The following ABTB2 variants were observed in gnomAD, a reference collection of about 807,000 sequenced individuals.
ABTB2 encodes ankyrin repeat and BTB domain containing 2, also known as ankyrin repeat and BTB/POZ domain-containing protein 2.
Under a neutral mutation model 104.1 loss-of-function variants are expected in ABTB2, and 56 were observed. That is an observed-to-expected ratio of 0.54 (90% CI 0.43 to 0.67). The LOEUF (loss-of-function observed/expected upper bound fraction) is 0.67, where lower values mean the gene tolerates loss of function less well. Among genes scored for constraint, ABTB2 ranks in the 30% least tolerant of loss-of-function variants. ABTB2 has a pLI of 0.00. For synonymous variants in ABTB2, 606 were observed against 608.2 expected (o/e 1.00, Z 0.05); for missense variants, 1,279 against 1,407.7 (o/e 0.91, Z 1.46).
rs561962846 is a variant in ABTB2 at position 34,220,499 on chromosome 11, A to C, written c.884-15809T>G. On this transcript the variant is annotated intron_variant, in intron 1 of 16. Coordinates refer to ENST00000435224, the MANE Select transcript of ABTB2 (RefSeq NM_145804.3). The stretch of plus-strand genomic sequence containing the variant: ...GGGCTTTTGCTCTTCTTATTGCCTC[A>C]ACTGTGACATACTGTTTGAAGAAGG... Among the ~76,000 whole-genome samples the C allele has an allele frequency of 2.6e-5, 4 of 152,310 alleles. No individual in the cohort carries two copies. In the South Asian group the frequency reaches 8.3e-4, roughly 32 times the overall value.
At chr11:34,257,765 T>C (rs1222344587) in intron 1 of ABTB2, among the ~76,000 whole-genome samples, 2 of 152,122 alleles carry the variant, frequency 1.3e-5, no homozygotes, top group Non-Finnish European at 2.9e-5. Context: ...TTTATTTTTA[T>C]TTTCTGTAAA....
In ABTB2 at chr11:34,165,974, G is replaced by A. The variant is rs148905354; in HGVS notation, c.1756-618C>T. Among the ~76,000 whole-genome samples the A allele has an allele frequency of 5.9e-5, 9 of 152,348 alleles. 1 individual carries two copies. Among genetic ancestry groups the A allele is most frequent in the Non-Finnish European group, 7.3e-5 (5 of 68,028 alleles). On this transcript the variant is annotated intron_variant, in intron 7 of 16. Transcript: ENST00000435224. The stretch of plus-strand genomic sequence containing the variant: ...GGCCTCTCCCCATGCTAGCAAGGGC[G>A]GGCTTTGACAGGGGACAGACGGGGC...
chr11:34,348,553 C>A lies in ABTB2; in HGVS notation c.883+8148G>T, dbSNP rs184005561. On this transcript the variant is annotated intron_variant, in intron 1 of 16. Transcript: ENST00000435224. The stretch of plus-strand genomic sequence containing the variant: ...GCATCCCCTCCCATCTCCGCAGTCG[C>A]AGCTCTACCTGCCCAAATCACTGGC... Among the ~76,000 whole-genome samples the A allele has an allele frequency of 4.1e-3, 628 of 152,236 alleles. 3 individuals are homozygous for A. The highest frequency in any genetic ancestry group is 7.0e-3 in the Non-Finnish European group (475 of 68,002).
At chr11:34,265,140 T>C (rs1286109699) in intron 1 of ABTB2, among the ~76,000 whole-genome samples, 1 of 152,048 alleles carries the variant, frequency 6.6e-6, no homozygotes, top group Non-Finnish European at 1.5e-5. Context: ...CAAGGAAAAA[T>C]AGAACCGAAG....
At chr11:34,182,378 C>T (rs898257424) in intron 3 of ABTB2, among the ~76,000 whole-genome samples, 3 of 151,964 alleles carry the variant, frequency 2.0e-5, no homozygotes, top group Non-Finnish European at 4.4e-5. Context: ...GTTCCCTCTT[C>T]GGACCCCCAG....
intron 3 of ABTB2, among the ~76,000 whole-genome samples, chr11:34,191,241 C>G (rs765233195): frequency 6.6e-6 from 1 of 152,156 alleles, no homozygotes; most frequent in Non-Finnish European, 1.5e-5. Context: ...TGCATTCCAG[C>G]CTGGGTGACA....
chr11:34,240,901 C>A (rs867848918), intron 1 of ABTB2, among the ~76,000 whole-genome samples: 2 of 152,124 alleles, frequency 1.3e-5, no homozygotes, highest in East Asian at 3.9e-4. Flanking sequence ...GGCCTTCCCC[C>A]CTTTTTAGGT....
rs879227003 is a variant in ABTB2 at position 34,171,213 on chromosome 11, A to AT, written c.1398-143dup. ...CCAGGGAGTTATGATCAGATCAGCA[A>AT]TTACTGTCCCCATCATGTTCTGTCA... On this transcript the variant is annotated intron_variant, in intron 4 of 16. Coordinates refer to ENST00000435224, the MANE Select transcript of ABTB2 (RefSeq NM_145804.3). 118 of 820,438 alleles carry AT rather than the reference A, an allele frequency of 1.4e-4. 2 individuals carry two copies. The South Asian group carries it at 2.1e-3, about 15-fold the overall frequency. The allele number at this position is 820,438 out of a possible 1,614,324, so 50.8% of individuals were successfully genotyped here.
At position 34,160,373 on chromosome 11, in the gene ABTB2, G is replaced by A. The variant is rs1448621959; in HGVS notation, c.2398-20C>T. 1 of 1,587,360 alleles carries A rather than the reference G, an allele frequency of 6.3e-7. No homozygotes were observed. On this transcript the variant is annotated intron_variant, in intron 11 of 16. Coordinates refer to ENST00000435224, the MANE Select transcript of ABTB2 (RefSeq NM_145804.3). ...GTCGTTCTGTGGGGAGAGGAGAGAGGGCCTGTGAGCTGCCCGCTGTGGCTG... is the reference window on the plus strand; with the variant it reads ...GTCGTTCTGTGGGGAGAGGAGAGAGAGCCTGTGAGCTGCCCGCTGTGGCTG...
intron 1 of ABTB2, among the ~76,000 whole-genome samples, chr11:34,250,114 T>A (rs1018544866): frequency 6.6e-6 from 1 of 152,154 alleles, no homozygotes; most frequent in African/African-American, 2.4e-5. Context: ...GCCTTGGAAC[T>A]GAAAGAACAG....
intron 1 of ABTB2, among the ~76,000 whole-genome samples, chr11:34,264,410 C>T (rs1273464598): frequency 6.6e-6 from 1 of 152,214 alleles, no homozygotes; most frequent in Non-Finnish European, 1.5e-5. Flanking sequence ...TGCCATAACA[C>T]AGAGGAAGCA....
chr11:34,284,482 C>A (rs1309499512), intron 1 of ABTB2, among the ~76,000 whole-genome samples: 4 of 152,204 alleles, frequency 2.6e-5, no homozygotes, highest in African/African-American at 4.8e-5. Flanking sequence ...AGCACCAAAG[C>A]TTCTATTCAG....
intron 1 of ABTB2, among the ~76,000 whole-genome samples, chr11:34,237,276 C>CTTTTT (rs561473313): frequency 8.6e-5 from 10 of 116,226 alleles, no homozygotes; most frequent in African/African-American, 2.7e-4. Flanking sequence ...CCTGGATATT[C>CTTTTT]TTTTTTTTTT....
chr11:34,240,941 T>G (rs1049771553), intron 1 of ABTB2, among the ~76,000 whole-genome samples: 1 of 152,172 alleles, frequency 6.6e-6, no homozygotes, highest in African/African-American at 2.4e-5. Flanking sequence ...TTTTTTTCTC[T>G]TTTGCCAAAT....
intron 1 of ABTB2, among the ~76,000 whole-genome samples, chr11:34,322,788 C>T (rs1322838262): frequency 6.6e-6 from 1 of 152,096 alleles, no homozygotes; most frequent in Non-Finnish European, 1.5e-5. Context: ...CCTCCAACTT[C>T]AGCCCCCCAC....
Position 34,154,599 on chromosome 11 carries a change from CA to C in ABTB2, c.2766+101del. ...TCTTTCTGGGAACTGCTCTTCCTGTCAGATGGAGAGGAAGAGCCACCTTCCC... is the reference window on the plus strand; with the variant it reads ...TCTTTCTGGGAACTGCTCTTCCTGTCGATGGAGAGGAAGAGCCACCTTCCC... On this transcript the variant is annotated intron_variant, in intron 15 of 16. Transcript: ENST00000435224. This position sits in a 1 kb window ranked among gnomAD's most constrained non-coding sequence, Gnocchi z 4.9. The C allele has an allele frequency of 8.2e-7, 1 of 1,216,574 alleles. No individual in the cohort carries two copies. Among genetic ancestry groups the C allele is most frequent in the Non-Finnish European group, 1.2e-6 (1 of 837,412 alleles). 75.4% of individuals were successfully genotyped at this position (1,216,574 alleles called of 1,614,324 possible).
intron 1 of ABTB2, among the ~76,000 whole-genome samples, chr11:34,306,095 T>A (rs769400932): frequency 6.6e-6 from 1 of 152,200 alleles, no homozygotes; most frequent in Non-Finnish European, 1.5e-5. Context: ...AACAGTCACA[T>A]TCTCTAAGAA....
At chr11:34,199,610 C>T (rs1316652587) in intron 2 of ABTB2, among the ~76,000 whole-genome samples, 4 of 152,152 alleles carry the variant, frequency 2.6e-5, no homozygotes, top group Non-Finnish European at 4.4e-5. Context: ...CTGTTAATTC[C>T]AGCCCATATT....
chr11:34,189,029 G>A (rs751701526), intron 3 of ABTB2: 8 of 152,230 alleles, frequency 5.3e-5, no homozygotes, highest in Non-Finnish European at 1.2e-4. Context: ...CATAGAGCCA[G>A]AAGAAAAGAG....
Sources: allele counts gnomAD v4.1 joint callset (sites outside exome capture counted in the v4.1 genomes callset), GRCh38; gene constraint gnomAD v4.1.1; non-coding constraint Gnocchi (gnomAD v3.1); transcripts MANE v1.5; gene names NCBI Gene and HGNC (gene_info 2026-07-23, HGNC 2026-07-21).